ROBO2: variants seen among roughly 807,000 people sequenced by gnomAD.
ROBO2 encodes roundabout guidance receptor 2, also known as roundabout homolog 2.
In ROBO2, 53 loss-of-function variants were observed where a neutral mutation model predicts 160.8. The observed-to-expected ratio is 0.33, with a 90% CI of 0.26 to 0.41. The LOEUF (loss-of-function observed/expected upper bound fraction) is 0.41. Ranked by LOEUF, ROBO2 falls within the 10% of genes least tolerant of loss-of-function variation. The pLI is 1.00. For synonymous variants in ROBO2, 664 were observed against 611.7 expected (o/e 1.09, Z -1.26); for missense variants, 1,577 against 1,722.4 (o/e 0.92, Z 1.49).
chr3:76,039,343 C>T (rs1383487880), intron 2 of ROBO2, among the ~76,000 whole-genome samples: 3 of 151,802 alleles, frequency 2.0e-5, no homozygotes, highest in African/African-American at 7.3e-5. Context: ...TTTTTTTAGG[C>T]AGCATCAGGA....
chr3:77,169,663 A>G (rs1174334402), intron 2 of ROBO2, among the ~76,000 whole-genome samples: 1 of 152,256 alleles, frequency 6.6e-6, no homozygotes, highest in Non-Finnish European at 1.5e-5. Flanking sequence ...GTGACTGAGC[A>G]GTTAAACCAG....
chr3:76,429,409 C>G (rs970045010), intron 2 of ROBO2, among the ~76,000 whole-genome samples: 13 of 152,148 alleles, frequency 8.5e-5, no homozygotes, highest in Non-Finnish European at 8.8e-5. Flanking sequence ...GCACTTAGAA[C>G]AATTCCTAGT....
intron 23 of ROBO2, chr3:77,634,175 A>G (rs2095223196): frequency 6.6e-6 from 1 of 152,476 alleles, no homozygotes. Context: ...CACAGCACAT[A>G]TCATTTTTCA....
intron 2 of ROBO2, among the ~76,000 whole-genome samples, chr3:76,189,154 CA>C (rs553867259): frequency 6.0e-4 from 92 of 152,072 alleles, no homozygotes; most frequent in African/African-American, 2.1e-3. Context: ...TATAGTAAAA[CA>C]AAGCCTCAAA....
At chr3:77,300,468 G>C (rs1271258927) in intron 2 of ROBO2, among the ~76,000 whole-genome samples, 3 of 151,756 alleles carry the variant, frequency 2.0e-5, no homozygotes, top group Non-Finnish European at 4.4e-5. Context: ...CAACCCATCT[G>C]TTCTTTTTTT....
chr3:76,184,231 G>C (rs1353988812), intron 2 of ROBO2, among the ~76,000 whole-genome samples: 1 of 152,022 alleles, frequency 6.6e-6, no homozygotes, highest in Non-Finnish European at 1.5e-5. Context: ...AGGTACTTTT[G>C]CTTCTGGGTA....
intron 2 of ROBO2, among the ~76,000 whole-genome samples, chr3:76,565,489 C>T (rs1461776702): frequency 2.0e-5 from 3 of 152,192 alleles, no homozygotes; most frequent in Non-Finnish European, 4.4e-5. Context: ...TTTAGTAAAA[C>T]TGTCTGTCGT....
chr3:76,579,335 C>G lies in ROBO2; in HGVS notation c.110-518679C>G, dbSNP rs1038584410. Among the ~76,000 whole-genome samples the G allele has an allele frequency of 2.0e-5, 3 of 152,162 alleles. No individual in the cohort carries two copies. In the East Asian group the frequency reaches 5.8e-4, roughly 29 times the overall value. On this transcript the variant is annotated intron_variant, in intron 2 of 26. Transcript: ENST00000487694. ...TTAATTCATTCTATTTTTGTTGCAT[C>G]TTATGATTTATTTTACAGTTTACAG...
chr3:75,930,377 T>G (rs1289572853), intron 1 of ROBO2, among the ~76,000 whole-genome samples: 1 of 152,156 alleles, frequency 6.6e-6, no homozygotes, highest in Admixed American at 6.5e-5. Context: ...TTCCACGTTT[T>G]CCTCCTCAAA....
At chr3:76,737,135 G>A (rs2093726178) in intron 2 of ROBO2, among the ~76,000 whole-genome samples, 1 of 152,194 alleles carries the variant, frequency 6.6e-6, no homozygotes, top group Admixed American at 6.5e-5. Flanking sequence ...TTCCAGATTG[G>A]AAACTAATAT....
chr3:76,856,491 T>A (rs3884319), intron 2 of ROBO2, among the ~76,000 whole-genome samples: 18,963 of 152,158 alleles, frequency 0.12, 1,345 homozygotes, highest in East Asian at 0.24. Context: ...ATACACTATT[T>A]TTCAGTATAG....
chr3:76,973,976 G>A (rs1308414942), intron 2 of ROBO2, among the ~76,000 whole-genome samples: 1 of 152,142 alleles, frequency 6.6e-6, no homozygotes, highest in Non-Finnish European at 1.5e-5. Flanking sequence ...ATGAGTTATG[G>A]CAGGACAAGA....
chr3:76,434,780 GATTA>G, intron 2 of ROBO2: 1 of 1,297,522 alleles, frequency 7.7e-7, no homozygotes, highest in Non-Finnish European at 1.1e-6. Context: ...TGTTTGCGCA[GATTA>G]ATCAGGGGGA....
rs1298672011 is a variant in ROBO2 at position 76,163,519 on chromosome 3, AAT to A, written c.109+225918_109+225919del. Among the ~76,000 whole-genome samples, 14 of 149,138 alleles carry A rather than the reference AAT, an allele frequency of 9.4e-5. No homozygotes were observed. The East Asian group carries it at 2.5e-3, about 27-fold the overall frequency. The stretch of plus-strand genomic sequence containing the variant: ...TGTGTATTATATATTATATTTATAT[AAT>A]GTTATATTGTATATGAATATATTTG... On this transcript the variant is annotated intron_variant, in intron 2 of 26. Transcript: ENST00000487694.
chr3:76,943,270 C>T (rs550298739), intron 2 of ROBO2, among the ~76,000 whole-genome samples: 1 of 152,184 alleles, frequency 6.6e-6, no homozygotes, highest in Non-Finnish European at 1.5e-5. Context: ...CCATGAGCCT[C>T]TGACCCCCTT....
At chr3:76,921,171 G>A (rs1054205960) in intron 2 of ROBO2, among the ~76,000 whole-genome samples, 1 of 152,136 alleles carries the variant, frequency 6.6e-6, no homozygotes, top group Admixed American at 6.5e-5. Context: ...GTCATCACGT[G>A]AATGTATGCC....
At chr3:77,506,761 A>G (rs1182924085) in intron 5 of ROBO2, among the ~76,000 whole-genome samples, 3 of 152,156 alleles carry the variant, frequency 2.0e-5, no homozygotes, top group Non-Finnish European at 2.9e-5. Flanking sequence ...TCAAGTAGTT[A>G]TTTTATGTAA....
At chr3:77,407,694 G>C (rs952867234) in intron 2 of ROBO2, among the ~76,000 whole-genome samples, 1 of 152,162 alleles carries the variant, frequency 6.6e-6, no homozygotes, top group African/African-American at 2.4e-5. Flanking sequence ...TTGCCTCCCA[G>C]GCTATTGCCT....
At chr3:77,477,838 T>C (rs1468663706) in intron 3 of ROBO2, among the ~76,000 whole-genome samples, 3 of 141,280 alleles carry the variant, frequency 2.1e-5, no homozygotes, top group Non-Finnish European at 4.6e-5. Context: ...CTCTTTTTTT[T>C]TTTTTTTTTT....
Sources: gnomAD v4.1 joint callset for allele counts (sites outside exome capture counted in the v4.1 genomes callset) on GRCh38, gnomAD v4.1.1 for gene constraint, MANE v1.5 for transcripts, NCBI Gene and HGNC (gene_info 2026-07-23, HGNC 2026-07-21) for gene names.